The following PTPRE variants were observed in gnomAD, a reference collection of about 807,000 sequenced individuals.
PTPRE encodes the protein protein tyrosine phosphatase receptor type E, also known as receptor-type tyrosine-protein phosphatase epsilon.
In PTPRE, 51 loss-of-function variants were observed where a neutral mutation model predicts 102.0. The ratio of observed to expected loss-of-function variants is 0.50; its 90% CI spans 0.40 to 0.63. The LOEUF is 0.63. PTPRE is among the 30% of genes least tolerant of loss of function. PTPRE has a pLI of 0.00. For synonymous variants in PTPRE, 345 were observed against 348.2 expected, an observed-to-expected ratio of 0.99 and a Z score of 0.10; for missense variants, 752 against 915.1, an observed-to-expected ratio of 0.82 and a Z score of 2.30.
chr10:127,929,973 C>A (rs966674384), intron 1 of PTPRE, among the ~76,000 whole-genome samples: 1 of 148,730 alleles, frequency 6.7e-6, no homozygotes, highest in African/African-American at 2.5e-5. Flanking sequence ...AGGAGAATTG[C>A]TTGAACCCGA....
intron 1 of PTPRE, among the ~76,000 whole-genome samples, chr10:127,955,795 T>A (rs1053706586): frequency 2.6e-5 from 4 of 152,154 alleles, no homozygotes. Flanking sequence ...GAAGCATGAC[T>A]GGGAAGCCTC....
At chr10:128,036,912 C>T (rs1365790182) in intron 2 of PTPRE, among the ~76,000 whole-genome samples, 2 of 152,300 alleles carry the variant, frequency 1.3e-5, no homozygotes, top group South Asian at 2.1e-4. Context: ...GCTCCTGGAC[C>T]ACTCTCCGGC....
intron 20 of PTPRE, among the ~76,000 whole-genome samples, 158 bp from the exon 21 acceptor site, chr10:128,082,674 T>C (rs1444344580): frequency 6.6e-6 from 1 of 152,256 alleles, no homozygotes; most frequent in Non-Finnish European, 1.5e-5. Context: ...TTTGGAATTC[T>C]GCATGTGCCT....
intron 10 of PTPRE, among the ~76,000 whole-genome samples, chr10:128,065,613 C>A (rs1850014004): frequency 1.3e-5 from 2 of 152,152 alleles, no homozygotes; most frequent in African/African-American, 4.8e-5. Flanking sequence ...GGCAGACTGG[C>A]AGTGGTGCAA....
chr10:127,916,169 T>C (rs1564793859), intron 1 of PTPRE, among the ~76,000 whole-genome samples: 2 of 151,984 alleles, frequency 1.3e-5, no homozygotes, highest in African/African-American at 4.8e-5. Context: ...TGGCTCTGTG[T>C]CCCCACCCAA....
intron 2 of PTPRE, among the ~76,000 whole-genome samples, chr10:128,037,106 G>A (rs914704772): frequency 2.0e-5 from 3 of 152,174 alleles, no homozygotes; most frequent in Non-Finnish European, 4.4e-5. Flanking sequence ...TCATTCCTTA[G>A]TGCCCCCAGG....
intron 1 of PTPRE, among the ~76,000 whole-genome samples, chr10:127,925,086 C>T (rs1846907764): frequency 6.6e-6 from 1 of 152,214 alleles, no homozygotes; most frequent in Non-Finnish European, 1.5e-5. Context: ...AGCCAGCACA[C>T]CTGAGGGCTT....
At chr10:128,031,294 G>T (rs534690777) in intron 2 of PTPRE, among the ~76,000 whole-genome samples, 3 of 152,190 alleles carry the variant, frequency 2.0e-5, no homozygotes, top group Admixed American at 6.5e-5. Flanking sequence ...CGAGGCCTGG[G>T]GTGCAGCTGG....
At chr10:127,965,059 T>C (rs1850139610) in intron 1 of PTPRE, 11 of 455,900 alleles carry the variant, frequency 2.4e-5, no homozygotes, top group South Asian at 1.4e-4. Flanking sequence ...CCTTTGAAGA[T>C]CTTGCACTTG....
intron 1 of PTPRE, among the ~76,000 whole-genome samples, chr10:127,917,195 A>C (rs1041090248): frequency 5.3e-5 from 8 of 151,250 alleles, no homozygotes; most frequent in Admixed American, 4.0e-4. Context: ...GGCTTACGAG[A>C]TGATGGTGCG....
chr10:127,912,157 G>A (rs1033240604), intron 1 of PTPRE, among the ~76,000 whole-genome samples: 1 of 152,180 alleles, frequency 6.6e-6, no homozygotes, highest in East Asian at 1.9e-4. Context: ...CATGTGGGGA[G>A]TATTGATGTG....
At chr10:128,061,778 C>A in intron 9 of PTPRE, 63 bp downstream of exon 9, 1 of 1,537,918 alleles carries the variant, frequency 6.5e-7, no homozygotes, top group South Asian at 1.2e-5. Context: ...ATTTCCTTCT[C>A]TGTATGCCAA....
intron 2 of PTPRE, among the ~76,000 whole-genome samples, chr10:128,032,268 G>A (rs1249083275): frequency 6.6e-6 from 1 of 152,076 alleles, no homozygotes; most frequent in Non-Finnish European, 1.5e-5. Context: ...CACCTGCCTT[G>A]GCCTCCCAAA....
chr10:127,973,683 T>G (rs1850931730), intron 1 of PTPRE, among the ~76,000 whole-genome samples: 1 of 151,986 alleles, frequency 6.6e-6, no homozygotes, highest in Admixed American at 6.6e-5. Flanking sequence ...TCAGGATGGG[T>G]CTCCCCTTTT....
intron 2 of PTPRE, among the ~76,000 whole-genome samples, chr10:128,003,347 A>C (rs1019384680): frequency 2.0e-5 from 3 of 152,168 alleles, no homozygotes; most frequent in Non-Finnish European, 4.4e-5. Context: ...GGGAAAAAAA[A>C]ATTTAAGTCA....
chr10:127,926,458 A>G (rs934845245), intron 1 of PTPRE, among the ~76,000 whole-genome samples: 9 of 152,180 alleles, frequency 5.9e-5, no homozygotes, highest in Non-Finnish European at 1.0e-4. Flanking sequence ...CACCTCCAAC[A>G]TTTCTGTTTT....
intron 1 of PTPRE, among the ~76,000 whole-genome samples, chr10:127,958,801 G>A (rs1188474742): frequency 1.3e-5 from 2 of 151,826 alleles, no homozygotes; most frequent in African/African-American, 4.8e-5. Flanking sequence ...GAATTCACCA[G>A]TGACTCATCT....
chr10:128,080,579 C>T (rs1361111381), intron 20 of PTPRE, among the ~76,000 whole-genome samples: 3 of 152,214 alleles, frequency 2.0e-5, no homozygotes, highest in Admixed American at 1.3e-4. Flanking sequence ...GGACTCACAG[C>T]TCTCATTAAT....
chr10:128,068,351 A>C, intron 12 of PTPRE, 65 bp downstream of exon 12: 2 of 1,525,356 alleles, frequency 1.3e-6, no homozygotes, highest in Non-Finnish European at 1.8e-6. Flanking sequence ...ACTCATCCTC[A>C]TGGGCAATGC....
Sources: allele counts gnomAD v4.1 joint callset (sites outside exome capture counted in the v4.1 genomes callset), GRCh38; gene constraint gnomAD v4.1.1; transcripts MANE v1.5; gene names NCBI Gene and HGNC (gene_info 2026-07-23, HGNC 2026-07-21).